The following PTGER3 variants were observed in gnomAD, a reference collection of about 807,000 sequenced individuals.
PTGER3 encodes the protein prostaglandin E receptor 3, also known as prostaglandin E2 receptor EP3 subtype.
Under a neutral mutation model 34.7 loss-of-function variants are expected in PTGER3, and 22 were observed. That is an observed-to-expected ratio of 0.63 (90% CI 0.45 to 0.91). The LOEUF is 0.91. Among genes scored for constraint, PTGER3 ranks in the 40% least tolerant of loss-of-function variants. The pLI is 0.00. For missense variants in PTGER3, 468 were observed against 519.4 expected (o/e 0.90, Z 0.96); for synonymous variants, 241 against 230.1 (o/e 1.05, Z -0.43).
chr1:70,852,565 C>A, exon 5 of PTGER3: 3 of 470,318 alleles, frequency 6.4e-6, no homozygotes, highest in South Asian at 3.2e-5. Context: ...TAAAAAAATG[C>A]AAATTTTACA....
intron 1 of PTGER3, among the ~76,000 whole-genome samples, chr1:71,025,109 C>A (rs928366410): frequency 1.5e-4 from 19 of 123,538 alleles, no homozygotes; most frequent in African/African-American, 6.4e-4. Flanking sequence ...GAACATCATT[C>A]AATCCTTTTC....
intron 4 of PTGER3, among the ~76,000 whole-genome samples, chr1:70,878,674 T>G (rs2182705): frequency 0.9 from 136,664 of 152,158 alleles, 61,449 homozygotes; most frequent in East Asian, 1. Flanking sequence ...TTGTATCTTT[T>G]TTCTTATTAC....
intron 4 of PTGER3, among the ~76,000 whole-genome samples, chr1:70,918,182 A>G (rs561453747): frequency 6.6e-6 from 1 of 152,172 alleles, no homozygotes; most frequent in African/African-American, 2.4e-5. Flanking sequence ...TTCCGGAAAA[A>G]CTGAATATCC....
At chr1:70,979,021 C>A (rs74087117) in intron 2 of PTGER3, among the ~76,000 whole-genome samples, 2,706 of 152,234 alleles carry the variant, frequency 0.018, 85 homozygotes, top group African/African-American at 0.062. Flanking sequence ...TACCCTAGAA[C>A]ATACCTTATT....
intron 1 of PTGER3, among the ~76,000 whole-genome samples, chr1:71,017,156 T>C (rs936667523): frequency 6.6e-6 from 1 of 152,018 alleles, no homozygotes; most frequent in Non-Finnish European, 1.5e-5. Context: ...GAGATAATCC[T>C]AGATTACCTG....
intron 2 of PTGER3, chr1:71,009,350 T>C (rs1191147456): frequency 1.0e-6 from 1 of 979,902 alleles, no homozygotes; most frequent in African/African-American, 1.8e-5. Context: ...GTATACCCTA[T>C]ATTTCAGACT....
intron 2 of PTGER3, chr1:71,007,145 GTGAAGAACAC>G: frequency 1.0e-6 from 1 of 985,710 alleles, no homozygotes; most frequent in Non-Finnish European, 1.2e-6. Flanking sequence ...AGGAGGAGAG[GTGAAGAACAC>G]TATGCTTTTG....
At chr1:70,988,267 T>C (rs1655108903) in intron 2 of PTGER3, among the ~76,000 whole-genome samples, 1 of 152,192 alleles carries the variant, frequency 6.6e-6, no homozygotes, top group South Asian at 2.1e-4. Context: ...TAGGAAGTTT[T>C]AAAAGTCATG....
At chr1:70,934,008 C>G (rs942180929) in intron 4 of PTGER3, among the ~76,000 whole-genome samples, 4 of 152,100 alleles carry the variant, frequency 2.6e-5, no homozygotes, top group African/African-American at 9.7e-5. Flanking sequence ...TGGCTCCTGT[C>G]CCTGAGAATA....
intron 4 of PTGER3, among the ~76,000 whole-genome samples, chr1:70,931,261 G>C (rs1195850999): frequency 6.6e-6 from 1 of 152,214 alleles, no homozygotes; most frequent in Non-Finnish European, 1.5e-5. Context: ...CTGTGGCTTT[G>C]CAGGGTACAG....
At chr1:70,917,441 G>GTGTGTGTGTGTGTGTGTGTA (rs376536515) in intron 4 of PTGER3, among the ~76,000 whole-genome samples, 1 of 137,352 alleles carries the variant, frequency 7.3e-6, no homozygotes, top group African/African-American at 3.1e-5. Context: ...GTGTGTGTGT[G>GTGTGTGTGTGTGTGTGTGTA]TATACAATCA....
At chr1:70,974,542 C>T (rs1181181422) in intron 2 of PTGER3, among the ~76,000 whole-genome samples, 154 bp from the exon 3 acceptor site, 1 of 152,166 alleles carries the variant, frequency 6.6e-6, no homozygotes, top group Non-Finnish European at 1.5e-5. Context: ...TACTTCCATG[C>T]TTTGACTCAC....
intron 2 of PTGER3, among the ~76,000 whole-genome samples, chr1:70,978,503 T>C (rs1653929072): frequency 6.6e-6 from 1 of 152,120 alleles, no homozygotes; most frequent in African/African-American, 2.4e-5. Flanking sequence ...GGGGAAAATA[T>C]AGATAATTTT....
chr1:70,945,451 ACT>A (rs1418900682), intron 4 of PTGER3, among the ~76,000 whole-genome samples: 1 of 152,110 alleles, frequency 6.6e-6, no homozygotes, highest in East Asian at 1.9e-4. Flanking sequence ...AGAGAAAGTA[ACT>A]CTGCTAGACT....
At chr1:70,972,282 C>T (rs1266762504) in intron 3 of PTGER3, among the ~76,000 whole-genome samples, 1 of 152,110 alleles carries the variant, frequency 6.6e-6, no homozygotes, top group Non-Finnish European at 1.5e-5. Flanking sequence ...GAGATCATGC[C>T]ACTGCACTCC....
intron 1 of PTGER3, among the ~76,000 whole-genome samples, chr1:71,023,865 CA>C (rs1291754118): frequency 6.6e-6 from 1 of 151,716 alleles, no homozygotes; most frequent in Non-Finnish European, 1.5e-5. Context: ...TTTACACCCC[CA>C]ATTGACCATA....
chr1:71,003,847 A>T (rs147678199), intron 2 of PTGER3, among the ~76,000 whole-genome samples: 1 of 152,196 alleles, frequency 6.6e-6, no homozygotes, highest in Non-Finnish European at 1.5e-5. Flanking sequence ...CTCTCACAGA[A>T]GGATTTCTTA....
intron 4 of PTGER3, among the ~76,000 whole-genome samples, chr1:70,854,286 C>T: frequency 6.6e-6 from 1 of 151,910 alleles, no homozygotes. Context: ...AAGCAAATAG[C>T]CTAGTTAAAA....
intron 2 of PTGER3, among the ~76,000 whole-genome samples, chr1:70,962,166 C>A (rs1651995830): frequency 6.6e-6 from 1 of 152,184 alleles, no homozygotes; most frequent in Non-Finnish European, 1.5e-5. Flanking sequence ...AAACCCACAG[C>A]TATCCAACTT....
Sources: gnomAD v4.1 joint callset for allele counts (sites outside exome capture counted in the v4.1 genomes callset) on GRCh38, gnomAD v4.1.1 for gene constraint, MANE v1.5 for transcripts, NCBI Gene and HGNC (gene_info 2026-07-23, HGNC 2026-07-21) for gene names.